The following ZNF226 variants were observed in gnomAD, a reference collection of about 807,000 sequenced individuals.
ZNF226 encodes the protein Kruppel-associated box protein.
In ZNF226, 6 loss-of-function variants were observed where a neutral mutation model predicts 11.4. The ratio of observed to expected loss-of-function variants is 0.53; its 90% CI spans 0.29 to 1.04. The LOEUF is 1.04. Among genes scored for constraint, ZNF226 ranks in the 50% least tolerant of loss-of-function variants. ZNF226 has a pLI of 0.08. For missense variants in ZNF226, 1,058 were observed against 956.5 expected (o/e 1.11, Z -1.40); for synonymous variants, 350 against 322.8 (o/e 1.08, Z -0.90).
At chr19:44,172,999 C>T in intron 5 of ZNF226, 47 bp downstream of exon 5, 1 of 1,521,184 alleles carries the variant, frequency 6.6e-7, no homozygotes, top group East Asian at 2.4e-5. Context: ...TGTCCATCTG[C>T]TTTGCTTCTT....
chr19:44,179,053 G>A (rs139028366), downstream of ZNF226, among the ~76,000 whole-genome samples: 590 of 152,276 alleles, frequency 3.9e-3, 3 homozygotes, highest in African/African-American at 0.013. Context: ...GGTGGTGCGT[G>A]CCTGTAATCC....
chr19:44,189,128 C>T, the ZNF226 span, among the ~76,000 whole-genome samples: 1 of 152,098 alleles, frequency 6.6e-6, no homozygotes, highest in African/African-American at 2.4e-5. Context: ...TTTGTTTGTT[C>T]TGTAGGTGTG....
chr19:44,176,287 A>G lies in ZNF226; in HGVS notation c.1025A>G (p.Lys342Arg), dbSNP rs1490621556. The G allele has an allele frequency of 6.2e-7, 1 of 1,614,204 alleles. No homozygotes were observed. Among genetic ancestry groups the G allele is most frequent in the Admixed American group, 1.7e-5 (1 of 60,032 alleles). Residue 342 changes from lysine (K) to arginine (R), a missense_variant, in exon 6 of 6, where the codon AAA becomes AGA. Lys to Arg is a conservative substitution (Grantham distance 26). Coordinates refer to ENST00000337433, the MANE Select transcript of ZNF226 (RefSeq NM_001032373.2). ...EKPYKCKQCG[K>R]GFSRRSALNV... ...CCATACAAATGTAAGCAATGTGGGAAAGGTTTCAGTCGTAGATCAGCACTT... is the reference window on the plus strand; with the variant it reads ...CCATACAAATGTAAGCAATGTGGGAGAGGTTTCAGTCGTAGATCAGCACTT...
rs1262798925 is a variant in ZNF226 at position 44,175,875 on chromosome 19, C to G, written c.613C>G (p.Pro205Ala). Reference sequence around the variant, plus strand: ...ATGTCAATGTAAGAAGGGTGTTGATCCCATCGGTTGGATTTCACATCATGA... The same window carrying G: ...ATGTCAATGTAAGAAGGGTGTTGATGCCATCGGTTGGATTTCACATCATGA... The part of the protein sequence containing the change: ...KLCQCKKGVD[P>A]IGWISHHDGH... Residue 205 changes from proline (P) to alanine (A), a missense_variant, in exon 6 of 6, where the codon CCC becomes GCC. Transcript: ENST00000337433. 6.2e-7 allele frequency: 1 copy of G among 1,613,264 alleles called. No individual in the cohort carries two copies.
chr19:44,180,113 C>T (rs371756319), downstream of ZNF226, among the ~76,000 whole-genome samples: 1,511 of 141,612 alleles, frequency 0.011, 27 homozygotes, highest in African/African-American at 0.038. Flanking sequence ...AAAAAAAAAC[C>T]CAAGAAGGTG....
chr19:44,173,193 G>T (rs1970311607), intron 5 of ZNF226: 1 of 553,568 alleles, frequency 1.8e-6, no homozygotes, highest in African/African-American at 1.9e-5. Flanking sequence ...AATTCTCTGT[G>T]ACTTATTTTA....
At chr19:44,190,560 C>A in the ZNF226 span, among the ~76,000 whole-genome samples, 3 of 152,178 alleles carry the variant, frequency 2.0e-5, no homozygotes, top group African/African-American at 7.2e-5. Context: ...TGGTCTTGAT[C>A]TCCTGACCTC....
intron 3 of ZNF226, among the ~76,000 whole-genome samples, chr19:44,171,508 C>T (rs1970090460): frequency 6.6e-6 from 1 of 152,172 alleles, no homozygotes; most frequent in African/African-American, 2.4e-5. Flanking sequence ...CACTCTGCCC[C>T]TGTATTGAGA....
Position 44,177,032 on chromosome 19 carries a change from A to C in ZNF226, c.1770A>C (p.Glu590Asp), listed in dbSNP as rs199870248. The stretch of plus-strand genomic sequence containing the variant: ...CGGGTGAGAAACCATACAAATGTGA[A>C]GAGTGTGGCAAGGGATTTAGTCGTA... ...IHTGEKPYKCEECGKGFSRRA... is the reference protein window; with the variant it reads ...IHTGEKPYKCDECGKGFSRRA... Residue 590 changes from glutamate to aspartate, a missense_variant, in exon 6 of 6, where the codon GAA becomes GAC. Glu to Asp is a conservative substitution (Grantham distance 45). Coordinates refer to ENST00000337433, the MANE Select transcript of ZNF226 (RefSeq NM_001032373.2). The C allele has an allele frequency of 2.1e-4, 334 of 1,613,658 alleles. 2 individuals carry two copies. The highest frequency in any genetic ancestry group is 1.6e-4 in the Non-Finnish European group (185 of 1,179,916).
chr19:44,188,403 C>T, the ZNF226 span, among the ~76,000 whole-genome samples: 592 of 152,188 alleles, frequency 3.9e-3, 3 homozygotes, highest in African/African-American at 0.013. Flanking sequence ...AAGAATGAAC[C>T]GTTGCATTTG....
chr19:44,182,374 A>C (rs1245964828), downstream of ZNF226, among the ~76,000 whole-genome samples: 3 of 140,876 alleles, frequency 2.1e-5, no homozygotes, highest in African/African-American at 6.1e-5. Context: ...CACACACACA[A>C]ACACACACAC....
the ZNF226 span, among the ~76,000 whole-genome samples, chr19:44,189,850 A>T: frequency 6.6e-6 from 1 of 152,210 alleles, no homozygotes. Context: ...TCGTTATAGC[A>T]TCGGGTGGTT....
At chr19:44,182,385 C>A (rs372947625), downstream of ZNF226, among the ~76,000 whole-genome samples, 32 of 151,980 alleles carry the variant, frequency 2.1e-4, no homozygotes, top group Non-Finnish European at 4.3e-4. Flanking sequence ...ACACACACAC[C>A]TCAGTTATAA....
chr19:44,194,418 C>T, the ZNF226 span, among the ~76,000 whole-genome samples: 4 of 151,944 alleles, frequency 2.6e-5, no homozygotes, highest in Admixed American at 1.3e-4. Context: ...TGGGGAGACA[C>T]GCGTGCATCA....
chr19:44,195,081 CG>C, the ZNF226 span, among the ~76,000 whole-genome samples: 1 of 152,204 alleles, frequency 6.6e-6, no homozygotes, highest in African/African-American at 2.4e-5. Context: ...CCTCACAGAA[CG>C]TAAGTTCTGT....
chr19:44,179,812 G>A (rs1350241989), downstream of ZNF226, among the ~76,000 whole-genome samples: 348 of 152,176 alleles, frequency 2.3e-3, 3 homozygotes, highest in Middle Eastern at 0.01. Flanking sequence ...GCCAGGTGCG[G>A]TTGCTCGTGC....
the ZNF226 span, among the ~76,000 whole-genome samples, chr19:44,190,389 A>G: frequency 1.3e-5 from 2 of 152,224 alleles, no homozygotes; most frequent in South Asian, 2.1e-4. Context: ...GCTGGAGTAC[A>G]GTGGCGCGAT....
intron 2 of ZNF226, among the ~76,000 whole-genome samples, chr19:44,168,101 A>G (rs540998380): frequency 2.0e-5 from 3 of 152,334 alleles, no homozygotes; most frequent in African/African-American, 7.2e-5. Flanking sequence ...TTATCAATGT[A>G]GGATGTATTT....
Position 44,176,267 on chromosome 19 carries a change from C to G in ZNF226, c.1005C>G (p.Tyr335Ter). ...AAGTCCACGTGATAGAGAAACCATA[C>G]AAATGTAAGCAATGTGGGAAAGGTT... ...HQKVHVIEKP[Y>*]KCKQCGKGFS... The change falls in exon 6 of 6, where the codon TAC (tyrosine) becomes TAG (stop). Residue 335 changes from tyrosine (Y) to a stop codon, truncating the protein, a stop_gained. Coordinates refer to ENST00000337433, the MANE Select transcript of ZNF226 (RefSeq NM_001032373.2). LOFTEE classifies it low-confidence loss of function (END_TRUNC). 1 of 1,614,142 alleles carries G rather than the reference C, an allele frequency of 6.2e-7. No homozygotes were observed. Among genetic ancestry groups the G allele is most frequent in the Non-Finnish European group, 8.5e-7 (1 of 1,180,016 alleles).
Sources: allele counts gnomAD v4.1 joint callset (sites outside exome capture counted in the v4.1 genomes callset), GRCh38; gene constraint gnomAD v4.1.1; transcripts MANE v1.5; gene names NCBI Gene and HGNC (gene_info 2026-07-23, HGNC 2026-07-21).